Variants in AGMO observed in about 807,000 individuals in gnomAD.
The protein encoded by AGMO is glyceryl-ether monooxygenase.
Under a neutral mutation model 60.2 loss-of-function variants are expected in AGMO, and 75 were observed. The observed-to-expected ratio is 1.25, with a 90% CI of 1.03 to 1.51. The LOEUF (loss-of-function observed/expected upper bound fraction) is 1.51, where lower values mean the gene tolerates loss of function less well. Among genes scored for constraint, AGMO ranks in the 40% most tolerant of loss-of-function variants. AGMO has a pLI of 0.00. For missense variants in AGMO, 763 were observed against 525.5 expected, an observed-to-expected ratio of 1.45 and a Z score of -4.42; for synonymous variants, 261 against 177.1, an observed-to-expected ratio of 1.47 and a Z score of -3.76.
intron 12 of AGMO, among the ~76,000 whole-genome samples, chr7:15,360,270 A>G (rs1782698305): frequency 6.6e-6 from 1 of 152,212 alleles, no homozygotes; most frequent in Non-Finnish European, 1.5e-5. Context: ...AGGAAGTATT[A>G]CATCGTTAGC....
chr7:15,425,248 C>G (rs1187712558), intron 4 of AGMO, among the ~76,000 whole-genome samples: 1 of 151,948 alleles, frequency 6.6e-6, no homozygotes, highest in Non-Finnish European at 1.5e-5. Context: ...ACTCAGTTTT[C>G]TTTATTTCTA....
intron 12 of AGMO, among the ~76,000 whole-genome samples, chr7:15,314,636 A>G (rs572764862): frequency 1.3e-5 from 2 of 152,196 alleles, no homozygotes; most frequent in Non-Finnish European, 1.5e-5. Context: ...TCAAAAAACA[A>G]TATTCAAAAA....
chr7:15,457,125 G>C (rs937555316), intron 3 of AGMO, among the ~76,000 whole-genome samples: 22 of 152,038 alleles, frequency 1.4e-4, no homozygotes, highest in Non-Finnish European at 1.3e-4. Flanking sequence ...GAACTTTAAT[G>C]TTCAAATGAA....
At chr7:15,190,254 G>C in the AGMO span, among the ~76,000 whole-genome samples, 2 of 134,426 alleles carry the variant, frequency 1.5e-5, 1 homozygote, top group Non-Finnish European at 3.4e-5. Flanking sequence ...TATATATGCA[G>C]CAAACAGCTG....
chr7:15,476,049 G>C (rs1314686898), intron 3 of AGMO, among the ~76,000 whole-genome samples: 1 of 152,042 alleles, frequency 6.6e-6, no homozygotes, highest in Non-Finnish European at 1.5e-5. Context: ...TTGGACTCAA[G>C]ACAAAATTTT....
At chr7:15,430,897 T>G (rs562505371) in intron 4 of AGMO, 108 bp downstream of exon 4, 10 of 637,620 alleles carry the variant, frequency 1.6e-5, no homozygotes, top group Non-Finnish European at 2.5e-5. Context: ...GAGAAGCATT[T>G]TAGTAAAACA....
intron 2 of AGMO, among the ~76,000 whole-genome samples, chr7:15,556,499 C>A (rs1406713953): frequency 1.3e-5 from 2 of 151,910 alleles, no homozygotes; most frequent in Non-Finnish European, 2.9e-5. Flanking sequence ...AACAAACATA[C>A]TGTAGATATT....
At chr7:15,503,624 C>T (rs950076089) in intron 3 of AGMO, among the ~76,000 whole-genome samples, 3 of 151,920 alleles carry the variant, frequency 2.0e-5, no homozygotes, top group Admixed American at 6.6e-5. Context: ...AAATAACTGG[C>T]GTCCATTTGT....
intron 3 of AGMO, among the ~76,000 whole-genome samples, chr7:15,461,375 C>A (rs1403343467): frequency 6.6e-6 from 1 of 151,248 alleles, no homozygotes; most frequent in Admixed American, 6.6e-5. Flanking sequence ...AGAAACAGCA[C>A]CCTTAATATT....
chr7:15,241,148 G>A (rs114796262), intron 12 of AGMO, among the ~76,000 whole-genome samples: 3,204 of 152,190 alleles, frequency 0.021, 106 homozygotes, highest in African/African-American at 0.074. Context: ...TAGGTATCAA[G>A]CCAACATGGT....
intron 12 of AGMO, among the ~76,000 whole-genome samples, chr7:15,317,940 TACACAC>T (rs112894307): frequency 5.0e-5 from 7 of 140,484 alleles, no homozygotes; most frequent in African/African-American, 1.9e-4. Context: ...TATATATATA[TACACAC>T]ACACACACTA....
the AGMO span, among the ~76,000 whole-genome samples, chr7:15,179,560 C>G: frequency 6.6e-6 from 1 of 152,174 alleles, no homozygotes; most frequent in Admixed American, 6.5e-5. Flanking sequence ...AGGTCTCAGG[C>G]AGCCCTACCC....
At chr7:15,394,049 A>C (rs999465663) in intron 6 of AGMO, 64 bp downstream of exon 6, 84 of 1,223,290 alleles carry the variant, frequency 6.9e-5, no homozygotes, top group Non-Finnish European at 8.7e-5. Context: ...AATGAGATTA[A>C]GGAAAATAAT....
At position 15,468,351 on chromosome 7, in the gene AGMO, T is replaced by C. The variant is rs369326628; in HGVS notation, c.410-37243A>G. ...AATTTTTTCTATACGATTCAATAAT[T>C]ATTATTTATGAATATTCAAAGCAAA... is the stretch of plus-strand genomic sequence containing the variant. On this transcript the variant is annotated intron_variant, in intron 3 of 12. Transcript: ENST00000342526. Among the ~76,000 whole-genome samples, 3 of 152,220 alleles carry C rather than the reference T, an allele frequency of 2.0e-5. No homozygotes were observed. In the East Asian group the frequency reaches 5.8e-4, roughly 29 times the overall value.
chr7:15,518,921 T>C (rs1783901781), intron 3 of AGMO, among the ~76,000 whole-genome samples: 2 of 151,558 alleles, frequency 1.3e-5, no homozygotes, highest in Admixed American at 1.3e-4. Flanking sequence ...AGAATATTGA[T>C]AAAAAGTTAC....
chr7:15,293,466 C>T (rs1050576332), intron 12 of AGMO, among the ~76,000 whole-genome samples: 3 of 152,090 alleles, frequency 2.0e-5, no homozygotes. Flanking sequence ...TCCAGATGAT[C>T]TCTGCATGCG....
intron 5 of AGMO, among the ~76,000 whole-genome samples, chr7:15,394,909 A>G (rs1179753066): frequency 6.6e-6 from 1 of 152,214 alleles, no homozygotes; most frequent in African/African-American, 2.4e-5. Flanking sequence ...AGTTACTTCA[A>G]TATCTGGTGC....
At chr7:15,139,400 G>GGTTC in the AGMO span, among the ~76,000 whole-genome samples, 12 of 152,170 alleles carry the variant, frequency 7.9e-5, no homozygotes, top group African/African-American at 2.6e-4. Flanking sequence ...GACATGTGCA[G>GGTTC]GTTCGTTATA....
At chr7:15,204,443 G>T (rs931458064) in intron 12 of AGMO, among the ~76,000 whole-genome samples, 1 of 152,104 alleles carries the variant, frequency 6.6e-6, no homozygotes, top group African/African-American at 2.4e-5. Flanking sequence ...TGAAAGAATA[G>T]ATGAAAACTG....
Sources: gnomAD v4.1 joint callset for allele counts (sites outside exome capture counted in the v4.1 genomes callset) on GRCh38, gnomAD v4.1.1 for gene constraint, MANE v1.5 for transcripts, NCBI Gene and HGNC (gene_info 2026-07-23, HGNC 2026-07-21) for gene names.